Variants in DLAT observed in about 807,000 individuals in gnomAD.
DLAT encodes dihydrolipoyllysine-residue acetyltransferase component of pyruvate dehydrogenase complex, mitochondrial.
In DLAT, 43 loss-of-function variants were observed where a neutral mutation model predicts 68.0. The observed-to-expected ratio is 0.63, with a 90% confidence interval of 0.50 to 0.81. The LOEUF is 0.81. Among genes scored for constraint, DLAT ranks in the 40% least tolerant of loss-of-function variants. DLAT has a pLI of 0.00. For synonymous variants in DLAT, 265 were observed against 288.6 expected (o/e 0.92, Z 0.83); for missense variants, 745 against 815.4 (o/e 0.91, Z 1.05).
chr11:112,047,495 T>G (rs1314799375), intron 10 of DLAT, among the ~76,000 whole-genome samples: 3 of 152,232 alleles, frequency 2.0e-5, no homozygotes, highest in African/African-American at 7.2e-5. Context: ...TATTTTGGCT[T>G]TTGTTGCCAT....
intron 8 of DLAT, among the ~76,000 whole-genome samples, chr11:112,044,386 G>C (rs1376415496): frequency 6.6e-6 from 1 of 152,094 alleles, no homozygotes; most frequent in Admixed American, 6.6e-5. Flanking sequence ...GTAGAGACAG[G>C]GTTTCGCCAT....
Position 112,051,510 on chromosome 11 carries a change from T to C in DLAT, c.1514+161T>C, listed in dbSNP as rs587634591. Among the ~76,000 whole-genome samples the C allele has an allele frequency of 1.4e-4, 21 of 152,350 alleles. No homozygotes were observed. The highest frequency in any genetic ancestry group is 2.6e-4 in the Non-Finnish European group (18 of 68,030). ...CAACACAAAAATGTTTATGAGTTAC[T>C]GCTTTTTACTTTTTTTTCTTACTGG... On this transcript the variant is annotated intron_variant, in intron 11 of 13. Transcript: ENST00000280346. The surrounding 1 kb of genome is among the most constrained non-coding windows in gnomAD (Gnocchi z 4.3).
rs1309951468 is a variant in DLAT, at chr11:112,051,988, T to C, written c.1514+639T>C. Among the ~76,000 whole-genome samples, 1 of 152,178 alleles carries C rather than the reference T, an allele frequency of 6.6e-6. No individual in the cohort carries two copies. The highest frequency in any genetic ancestry group is 2.4e-5 in the African/African-American group (1 of 41,442). On this transcript the variant is annotated intron_variant, in intron 11 of 13. Coordinates refer to ENST00000280346, the MANE Select transcript of DLAT (RefSeq NM_001931.5). This position sits in a 1 kb window ranked among gnomAD's most constrained non-coding sequence, Gnocchi z 4.3. ...TATGATTTAAGTGCTTTCACTTCCA[T>C]TTCTAGATAAAGAAACAGACTCCGT...
chr11:112,028,407 A>T, intron 2 of DLAT, 108 bp from the exon 3 acceptor site: 1 of 1,290,302 alleles, frequency 7.8e-7, no homozygotes, highest in Non-Finnish European at 1.1e-6. Flanking sequence ...TGACAGAATG[A>T]GACTCTGTGT....
At chr11:112,026,957 T>A (rs1555179363) in intron 2 of DLAT, among the ~76,000 whole-genome samples, 1 of 145,862 alleles carries the variant, frequency 6.9e-6, no homozygotes, top group Non-Finnish European at 1.5e-5. Context: ...CCCCCCCACT[T>A]CCCTCCCGGA....
rs1555181955 is a variant in DLAT, at chr11:112,051,261, G to C, written c.1426G>C (p.Val476Leu). 5.0e-6 allele frequency: 8 copies of C among 1,612,774 alleles called. No homozygotes were observed. The East Asian group carries it at 1.8e-4, about 36-fold the overall frequency. The change falls in exon 11 of 14, where the codon GTC becomes CTC. Residue 476 changes from valine to leucine, a missense_variant. Coordinates refer to ENST00000280346, the MANE Select transcript of DLAT (RefSeq NM_001931.5). This position sits in a 1 kb window ranked among gnomAD's most constrained non-coding sequence, Gnocchi z 4.3. The stretch of plus-strand genomic sequence containing the variant: ...ATTAGAAGGGAGAAGCAAAATTTCT[G>C]TCAATGACTTCATCATAAAAGCTTC... ...KILEGRSKIS[V>L]NDFIIKASAL...
chr11:112,027,022 C>A, intron 2 of DLAT, among the ~76,000 whole-genome samples: 1 of 151,440 alleles, frequency 6.6e-6, no homozygotes, highest in Non-Finnish European at 1.5e-5. Context: ...CCAGACGGGG[C>A]GGCTGGCCTG....
In DLAT at chr11:112,059,978, T is replaced by C; in HGVS notation, c.1590T>C (p.His530=). 6.2e-7 allele frequency: 1 copy of C among 1,613,946 alleles called. No individual in the cohort carries two copies. The highest frequency in any genetic ancestry group is 8.5e-7 in the Non-Finnish European group (1 of 1,179,878). ...TCACACCTATTGTGTTTAATGCACA[T>C]ATAAAAGGAGTGGAAACCATTGCTA... The part of the protein sequence containing the change: ...GLITPIVFNA[H]IKGVETIAND... Residue 530 remains histidine, a synonymous_variant, in exon 12 of 14, where the codon CAT becomes CAC. Transcript: ENST00000280346.
At position 112,028,875 on chromosome 11, in the gene DLAT, C is replaced by T. The variant is rs781939202; in HGVS notation, c.590C>T (p.Pro197Leu). The T allele has an allele frequency of 1.9e-6, 3 of 1,614,198 alleles. No homozygotes were observed. Among genetic ancestry groups the T allele is most frequent in the South Asian group, 1.1e-5 (1 of 91,076 alleles). The change falls in exon 4 of 14, where the codon CCT becomes CTT. Residue 197 changes from proline to leucine, a missense_variant. Physicochemically the swap from Pro to Leu is moderately conservative, Grantham distance 98. Transcript: ENST00000280346. ...PTPQAAPAPTPAATASPPTPS... is the reference protein window; with the variant it reads ...PTPQAAPAPTLAATASPPTPS... ...CCACAAGCGGCCCCAGCACCAACCCCTGCTGCCACTGCTTCGCCACCTACA... is the reference window on the plus strand; with the variant it reads ...CCACAAGCGGCCCCAGCACCAACCCTTGCTGCCACTGCTTCGCCACCTACA...
chr11:112,053,874 C>T (rs149200466), intron 11 of DLAT, among the ~76,000 whole-genome samples: 63 of 152,238 alleles, frequency 4.1e-4, no homozygotes, highest in African/African-American at 1.4e-3. Flanking sequence ...GACTGACTCC[C>T]CGTTAAAGAA....
At chr11:112,061,301 C>A in intron 13 of DLAT, 127 bp downstream of exon 13, 1 of 934,726 alleles carries the variant, frequency 1.1e-6, no homozygotes, top group East Asian at 2.5e-5. Flanking sequence ...TGCTCAAGTC[C>A]CTGATATGAT....
Position 112,063,425 on chromosome 11 carries a change from A to G in DLAT, c.*890A>G, listed in dbSNP as rs1555183516. On this transcript the variant is annotated 3_prime_UTR_variant, in exon 14 of 14. Transcript: ENST00000280346. Reference sequence around the variant, plus strand: ...GAAAATGCTATCAAATAACTAAGGAATATATATGGAATAAGTGTACATATG... The same window carrying G: ...GAAAATGCTATCAAATAACTAAGGAGTATATATGGAATAAGTGTACATATG... The G allele has an allele frequency of 6.6e-6, 1 of 152,618 alleles. No individual in the cohort carries two copies. The highest frequency in any genetic ancestry group is 1.9e-4 in the East Asian group (1 of 5,198). 9.5% of individuals were successfully genotyped at this position (152,618 alleles called of 1,614,324 possible). A position where few individuals can be genotyped will look rare whatever the true frequency, so the allele number is the denominator to read the frequency against.
intron 4 of DLAT, chr11:112,030,346 G>T: frequency 2.1e-6 from 1 of 471,344 alleles, no homozygotes. Context: ...GGGTTAGCAG[G>T]GCTTGAAGTT....
intron 11 of DLAT, among the ~76,000 whole-genome samples, chr11:112,058,700 T>A (rs1308703868): frequency 2.0e-5 from 3 of 151,202 alleles, no homozygotes; most frequent in Non-Finnish European, 2.9e-5. Context: ...AGAGAACAGA[T>A]CAAATGTTAA....
At chr11:112,031,740 ATTTT>A (rs35661701) in intron 4 of DLAT, among the ~76,000 whole-genome samples, 8 of 133,488 alleles carry the variant, frequency 6.0e-5, no homozygotes, top group South Asian at 2.5e-4. Flanking sequence ...TGCCCAGCTA[ATTTT>A]TTTTTTTTTT....
intron 5 of DLAT, among the ~76,000 whole-genome samples, chr11:112,036,107 A>ATC (rs1862712902): frequency 6.8e-6 from 1 of 146,892 alleles, no homozygotes; most frequent in African/African-American, 2.5e-5. Context: ...ATATATATAT[A>ATC]TATCTCCAGA....
At position 112,063,274 on chromosome 11, in the gene DLAT, A is replaced by C. The variant is rs935968973; in HGVS notation, c.*739A>C. ...TGTAATTTTGAGTACAGAATTCAAC[A>C]GTTACCTCCAAAAAAGAAACATTGT... On this transcript the variant is annotated 3_prime_UTR_variant, in exon 14 of 14. Coordinates refer to ENST00000280346, the MANE Select transcript of DLAT (RefSeq NM_001931.5). 6.6e-6 allele frequency: 1 copy of C among 152,316 alleles called. No homozygotes were observed. Among genetic ancestry groups the C allele is most frequent in the Admixed American group, 6.5e-5 (1 of 15,294 alleles). The allele number at this position is 152,316 out of a possible 1,614,324, so 9.4% of individuals were successfully genotyped here.
chr11:112,036,212 T>TTTG (rs1862762912), intron 5 of DLAT, among the ~76,000 whole-genome samples: 1 of 93,604 alleles, frequency 1.1e-5, no homozygotes, highest in African/African-American at 4.4e-5. Context: ...TTTTTTTTTT[T>TTTG]TTTTTTTTTT....
chr11:112,041,065 C>T (rs143452406), intron 7 of DLAT, among the ~76,000 whole-genome samples: 3 of 152,056 alleles, frequency 2.0e-5, no homozygotes, highest in African/African-American at 4.8e-5. Context: ...GCTTATATGA[C>T]CAACAATAAA....
Sources: allele counts gnomAD v4.1 joint callset (sites outside exome capture counted in the v4.1 genomes callset), GRCh38; gene constraint gnomAD v4.1.1; non-coding constraint Gnocchi (gnomAD v3.1); transcripts MANE v1.5; gene names NCBI Gene and HGNC (gene_info 2026-07-23, HGNC 2026-07-21).